The following GPD2 variants were observed in gnomAD, a reference collection of about 807,000 sequenced individuals.
GPD2 encodes glycerol-3-phosphate dehydrogenase, mitochondrial.
Under a neutral mutation model 82.4 loss-of-function variants are expected in GPD2, and 54 were observed. That is an observed-to-expected ratio of 0.66 (90% CI 0.53 to 0.82). GPD2 has a LOEUF of 0.82. Ranked by LOEUF, GPD2 falls within the 40% of genes least tolerant of loss-of-function variation. GPD2 has a pLI of 0.00. For synonymous variants in GPD2, 288 were observed against 306.1 expected, an observed-to-expected ratio of 0.94 and a Z score of 0.62; for missense variants, 748 against 896.2, an observed-to-expected ratio of 0.83 and a Z score of 2.11.
intron 6 of GPD2, among the ~76,000 whole-genome samples, chr2:156,522,008 G>T (rs1685426330): frequency 6.6e-6 from 1 of 152,038 alleles, no homozygotes; most frequent in Admixed American, 6.5e-5. Flanking sequence ...GCTATTCAGT[G>T]TATCTGGATA....
chr2:156,573,719 A>G (rs565931757), intron 13 of GPD2, among the ~76,000 whole-genome samples: 3 of 152,304 alleles, frequency 2.0e-5, no homozygotes, highest in African/African-American at 7.2e-5. Context: ...ACATAAATAA[A>G]GACCTAAAGC....
intron 16 of GPD2, among the ~76,000 whole-genome samples, chr2:156,580,057 T>C (rs1687973958): frequency 6.6e-6 from 1 of 152,212 alleles, no homozygotes; most frequent in Admixed American, 6.5e-5. Flanking sequence ...TCATAAAGGG[T>C]TGAATATGAA....
chr2:156,412,226 A>G, the GPD2 span, among the ~76,000 whole-genome samples: 2 of 152,130 alleles, frequency 1.3e-5, no homozygotes, highest in Non-Finnish European at 2.9e-5. Context: ...ATTTGAGGTC[A>G]GGAGTTCGAG....
intron 6 of GPD2, among the ~76,000 whole-genome samples, chr2:156,531,571 A>G (rs1685861059): frequency 1.3e-5 from 2 of 152,268 alleles, no homozygotes; most frequent in South Asian, 2.1e-4. Context: ...CTTAAGAGCC[A>G]GGCTGAGGCC....
At chr2:156,560,461 A>T (rs921307849) in intron 9 of GPD2, among the ~76,000 whole-genome samples, 4 of 152,214 alleles carry the variant, frequency 2.6e-5, no homozygotes, top group African/African-American at 9.7e-5. Context: ...ATCTGGGGAC[A>T]TCTTGAGATT....
chr2:156,576,982 G>A (rs1446025166), intron 13 of GPD2, among the ~76,000 whole-genome samples: 1 of 152,072 alleles, frequency 6.6e-6, no homozygotes, highest in Non-Finnish European at 1.5e-5. Flanking sequence ...CCTTGGAGAT[G>A]GAGACTTCAC....
the GPD2 span, among the ~76,000 whole-genome samples, chr2:156,418,977 C>T: frequency 6.7e-6 from 1 of 149,752 alleles, no homozygotes; most frequent in Non-Finnish European, 1.5e-5. Flanking sequence ...AGGGGCAGGT[C>T]AGGGAGGCCC....
chr2:156,468,720 A>G (rs988995577), intron 1 of GPD2, among the ~76,000 whole-genome samples: 2 of 152,148 alleles, frequency 1.3e-5, no homozygotes, highest in African/African-American at 2.4e-5. Flanking sequence ...TTCTGGGTAC[A>G]TAGTATGTAT....
chr2:156,454,599 A>G (rs1343621749), intron 1 of GPD2, among the ~76,000 whole-genome samples: 2 of 152,146 alleles, frequency 1.3e-5, no homozygotes, highest in Non-Finnish European at 2.9e-5. Flanking sequence ...TACTTTCTTT[A>G]TGTTTTCAAG....
intron 1 of GPD2, among the ~76,000 whole-genome samples, chr2:156,455,970 C>A (rs1682776085): frequency 6.6e-6 from 1 of 152,046 alleles, no homozygotes; most frequent in Non-Finnish European, 1.5e-5. Flanking sequence ...TTTAACAGTG[C>A]AGGAAATTTT....
rs545205929 is a variant in GPD2, at chr2:156,565,197, G to A, written c.1166-3628G>A. ...CTTCAAGAGTTGGAACCAAATTCCT[G>A]ATCAGTGTGGCTACCTAAGGAATTT... On this transcript the variant is annotated intron_variant, in intron 9 of 16. Transcript: ENST00000438166. 3.3e-4 allele frequency among the ~76,000 whole-genome samples: 50 copies of A among 152,210 alleles called. No individual in the cohort carries two copies. In the South Asian group the frequency reaches 9.3e-3, roughly 28 times the overall value.
chr2:156,480,619 C>G (rs190814771), intron 2 of GPD2, among the ~76,000 whole-genome samples: 36 of 55,906 alleles, frequency 6.4e-4, no homozygotes, highest in Non-Finnish European at 1.2e-3. Flanking sequence ...ATGACCTGGT[C>G]TGAAGGTGTG....
At position 156,436,604 on chromosome 2, in the gene GPD2, C is replaced by T. The variant is rs1237183201; in HGVS notation, c.-9+91C>T. ...TGACCCGGGCGAGTGTTCTGGGACTCCAGTCTTGGCGGTAGGTGGTGGCGG... is the reference window on the plus strand; with the variant it reads ...TGACCCGGGCGAGTGTTCTGGGACTTCAGTCTTGGCGGTAGGTGGTGGCGG... On this transcript the variant is annotated intron_variant, in intron 1 of 16. Coordinates refer to ENST00000438166, the MANE Select transcript of GPD2 (RefSeq NM_000408.5). 4 of 152,386 alleles carry T rather than the reference C, an allele frequency of 2.6e-5. No homozygotes were observed. The East Asian group carries it at 7.7e-4, about 29-fold the overall frequency. The allele number at this position is 152,386 out of a possible 1,614,324, so 9.4% of individuals were successfully genotyped here. A position where few individuals can be genotyped will look rare whatever the true frequency, so the allele number is the denominator to read the frequency against.
chr2:156,480,558 G>T (rs946079801), intron 2 of GPD2, among the ~76,000 whole-genome samples: 2 of 151,854 alleles, frequency 1.3e-5, no homozygotes, highest in Admixed American at 6.6e-5. Flanking sequence ...AATCTATTCG[G>T]GTCAGAAGAG....
intron 6 of GPD2, among the ~76,000 whole-genome samples, chr2:156,538,472 G>A (rs756625738): frequency 2.8e-5 from 4 of 140,958 alleles, no homozygotes; most frequent in Non-Finnish European, 6.4e-5. Flanking sequence ...GACTCAGATT[G>A]CTGTTAAAAA....
intron 13 of GPD2, among the ~76,000 whole-genome samples, chr2:156,571,791 A>G (rs1687649586): frequency 6.6e-6 from 1 of 152,168 alleles, no homozygotes; most frequent in Non-Finnish European, 1.5e-5. Context: ...ACACGCACAC[A>G]AACACACATA....
At chr2:156,519,210 TG>T (rs574861625) in intron 6 of GPD2, among the ~76,000 whole-genome samples, 1,801 of 151,552 alleles carry the variant, frequency 0.012, 28 homozygotes, top group African/African-American at 0.036. Flanking sequence ...TTAATTTTTT[TG>T]GGGGGGGGCC....
intron 1 of GPD2, among the ~76,000 whole-genome samples, chr2:156,460,746 ACTGT>A (rs1305142941): frequency 1.3e-5 from 2 of 152,226 alleles, no homozygotes; most frequent in African/African-American, 2.4e-5. Context: ...CTTAGATGAC[ACTGT>A]CTGTTCATTG....
chr2:156,471,715 C>T (rs1335938505), intron 1 of GPD2, among the ~76,000 whole-genome samples: 1 of 152,176 alleles, frequency 6.6e-6, no homozygotes, highest in Non-Finnish European at 1.5e-5. Context: ...CAATTTCTTG[C>T]AACATTAAAA....
Sources: gnomAD v4.1 joint callset for allele counts (sites outside exome capture counted in the v4.1 genomes callset) on GRCh38, gnomAD v4.1.1 for gene constraint, MANE v1.5 for transcripts, NCBI Gene and HGNC (gene_info 2026-07-23, HGNC 2026-07-21) for gene names.